FSTL4: variants seen among roughly 807,000 people sequenced by gnomAD.
FSTL4 encodes follistatin like 4.
Under a neutral mutation model 78.2 loss-of-function variants are expected in FSTL4, and 28 were observed. The ratio of observed to expected loss-of-function variants is 0.36; its 90% CI spans 0.27 to 0.49. FSTL4 has a LOEUF of 0.49. Among genes scored for constraint, FSTL4 ranks in the 20% least tolerant of loss-of-function variants. FSTL4 has a pLI of 0.98. For synonymous variants in FSTL4, 422 were observed against 440.5 expected, an observed-to-expected ratio of 0.96 and a Z score of 0.53; for missense variants, 922 against 1,084.9, an observed-to-expected ratio of 0.85 and a Z score of 2.11.
chr5:133,721,028 G>A, the FSTL4 span: 9 of 152,106 alleles, frequency 5.9e-5, no homozygotes, highest in African/African-American at 1.9e-4. Context: ...GCCAGAACTC[G>A]AAACCAGCTT....
At chr5:133,350,074 C>T (rs1187216190) in intron 4 of FSTL4, among the ~76,000 whole-genome samples, 48 of 92,384 alleles carry the variant, frequency 5.2e-4, no homozygotes, top group Admixed American at 1.2e-3. Context: ...TGCTGCCATG[C>T]GACTGTAAAG....
intron 13 of FSTL4, among the ~76,000 whole-genome samples, chr5:133,212,176 A>G (rs1190647384): frequency 6.6e-6 from 1 of 152,172 alleles, no homozygotes; most frequent in Non-Finnish European, 1.5e-5. Flanking sequence ...TAATGATACC[A>G]TCTTGACAAC....
chr5:133,490,035 T>C (rs890487192), intron 3 of FSTL4, among the ~76,000 whole-genome samples: 2 of 152,208 alleles, frequency 1.3e-5, no homozygotes, highest in African/African-American at 2.4e-5. Context: ...CAGGACATTC[T>C]CCTCTTTGTC....
chr5:133,388,662 A>T (rs1389961040), intron 4 of FSTL4: 1 of 150,950 alleles, frequency 6.6e-6, no homozygotes, highest in African/African-American at 2.4e-5. Context: ...TTCAAAACCT[A>T]AAATGTCAGC....
the FSTL4 span, among the ~76,000 whole-genome samples, chr5:133,657,892 C>T: frequency 6.6e-6 from 1 of 151,028 alleles, no homozygotes; most frequent in African/African-American, 2.4e-5. Flanking sequence ...AATAATGCTA[C>T]AAGAAATAAC....
chr5:133,678,672 A>G, the FSTL4 span, among the ~76,000 whole-genome samples: 1 of 152,114 alleles, frequency 6.6e-6, no homozygotes, highest in African/African-American at 2.4e-5. Context: ...AAGTGAATGT[A>G]TGAGTTTGGA....
rs1554117991 is a variant in FSTL4, at chr5:133,481,538, T to TC, written c.161-80553dup. ...GCCCGGGTGACAGAGTGAGACTGTC[T>TC]CAAAAAAAAAAAAAAAAAAAAAGCT... is the stretch of plus-strand genomic sequence containing the variant. On this transcript the variant is annotated intron_variant, in intron 3 of 15. Transcript: ENST00000265342. Among the ~76,000 whole-genome samples the TC allele has an allele frequency of 2.8e-4, 14 of 49,430 alleles. No homozygotes were observed. In the South Asian group the frequency reaches 6.8e-3, roughly 24 times the overall value. The allele number at this position is 49,430 out of a possible 152,430, so 32.4% of individuals were successfully genotyped here.
At chr5:133,316,761 C>G (rs1329621362) in intron 4 of FSTL4, 109 bp from the exon 5 acceptor site, 2 of 860,078 alleles carry the variant, frequency 2.3e-6, no homozygotes, top group African/African-American at 3.3e-5. Context: ...CAGGCGTTCA[C>G]TATGTGCAGT....
chr5:133,496,640 T>C (rs1322668305), intron 3 of FSTL4, among the ~76,000 whole-genome samples: 2 of 152,106 alleles, frequency 1.3e-5, no homozygotes, highest in Non-Finnish European at 2.9e-5. Flanking sequence ...CCATGATGAA[T>C]GTCATGGGAG....
chr5:133,306,450 A>T (rs1218614370), intron 6 of FSTL4, among the ~76,000 whole-genome samples: 1 of 152,216 alleles, frequency 6.6e-6, no homozygotes, highest in Middle Eastern at 3.2e-3. Context: ...AGTGTGAGTT[A>T]CTTTCATCTT....
At chr5:133,739,916 A>T in the FSTL4 span, among the ~76,000 whole-genome samples, 17,887 of 146,598 alleles carry the variant, frequency 0.12, 1,241 homozygotes, top group Admixed American at 0.24. Flanking sequence ...TTTTTTTGAC[A>T]GTGTCTTGCT....
intron 3 of FSTL4, among the ~76,000 whole-genome samples, chr5:133,436,813 T>C (rs919584728): frequency 4.6e-5 from 7 of 152,058 alleles, no homozygotes; most frequent in African/African-American, 1.7e-4. Context: ...GAAATCACTC[T>C]GGTATTTGGG....
Position 133,611,163 on chromosome 5 carries a change from G to A in FSTL4, c.-11+1162C>T, listed in dbSNP as rs1761081538. ...GTCGGCGGCCCGCGGCCGCGAGCGA[G>A]GGCTGCTGGACAGCGCCCCGGCACC... On this transcript the variant is annotated intron_variant, in intron 1 of 15. Transcript: ENST00000265342. This position sits in a 1 kb window ranked among gnomAD's most constrained non-coding sequence, Gnocchi z 4.9. Among the ~76,000 whole-genome samples the A allele has an allele frequency of 6.6e-6, 1 of 151,960 alleles. No individual in the cohort carries two copies. The highest frequency in any genetic ancestry group is 6.5e-5 in the Admixed American group (1 of 15,274).
chr5:133,624,498 G>C, the FSTL4 span, among the ~76,000 whole-genome samples: 1 of 151,816 alleles, frequency 6.6e-6, no homozygotes, highest in African/African-American at 2.4e-5. Context: ...AAAACGTTTT[G>C]AAACTAGCTA....
the FSTL4 span, among the ~76,000 whole-genome samples, chr5:133,684,662 T>C: frequency 6.6e-6 from 1 of 152,222 alleles, no homozygotes; most frequent in Admixed American, 6.5e-5. Context: ...GATATAGAGT[T>C]TGTGGAACAT....
At chr5:133,731,495 C>A in the FSTL4 span, among the ~76,000 whole-genome samples, 2 of 152,142 alleles carry the variant, frequency 1.3e-5, no homozygotes, top group African/African-American at 4.8e-5. Flanking sequence ...ACACATGGTC[C>A]AGTTCTCTTT....
chr5:133,797,444 T>A, the FSTL4 span, among the ~76,000 whole-genome samples: 3 of 152,224 alleles, frequency 2.0e-5, no homozygotes, highest in African/African-American at 7.2e-5. Context: ...TGGCCTTAGA[T>A]GTTGTTTAAA....
At chr5:133,753,114 C>A in the FSTL4 span, among the ~76,000 whole-genome samples, 1 of 152,096 alleles carries the variant, frequency 6.6e-6, no homozygotes, top group African/African-American at 2.4e-5. Context: ...AAGAAAAAGT[C>A]TTTTTGTGGT....
At chr5:133,522,056 C>T (rs155579) in intron 3 of FSTL4, among the ~76,000 whole-genome samples, 9,931 of 151,986 alleles carry the variant, frequency 0.065, 343 homozygotes, top group Non-Finnish European at 0.075. Context: ...GGTATAGATC[C>T]CCAGGCCCTC....
Sources: allele counts gnomAD v4.1 joint callset (sites outside exome capture counted in the v4.1 genomes callset), GRCh38; gene constraint gnomAD v4.1.1; non-coding constraint Gnocchi (gnomAD v3.1); transcripts MANE v1.5; gene names NCBI Gene and HGNC (gene_info 2026-07-23, HGNC 2026-07-21).